Variants in DMXL2 observed in about 807,000 individuals in gnomAD.
DMXL2 encodes Dmx like 2.
DMXL2 carries 103 observed loss-of-function variants against 331.1 expected under a neutral mutation model. That is an observed-to-expected ratio of 0.31 (90% CI 0.27 to 0.37). The LOEUF is 0.37. Ranked by LOEUF, DMXL2 falls within the 10% of genes least tolerant of loss-of-function variation. The probability of loss-of-function intolerance (pLI) is 1.00; values close to 1 mark genes in which losing one functional copy is unlikely to be tolerated. For synonymous variants in DMXL2, 1,281 were observed against 1,252.1 expected (o/e 1.02, Z -0.49); for missense variants, 3,171 against 3,642.9 (o/e 0.87, Z 3.33).
intron 2 of DMXL2, among the ~76,000 whole-genome samples, chr15:51,569,597 G>A (rs148548464): frequency 1.1e-3 from 164 of 152,212 alleles, no homozygotes; most frequent in African/African-American, 3.7e-3. Context: ...GGCATCTGGC[G>A]GGTGCCCTTC....
chr15:51,510,793 T>C (rs776690645), intron 15 of DMXL2, among the ~76,000 whole-genome samples: 11 of 152,114 alleles, frequency 7.2e-5, no homozygotes, highest in Non-Finnish European at 1.3e-4. Flanking sequence ...CTTCAAACTA[T>C]ACTACAAGGC....
At chr15:51,468,642 A>C (rs1212054321) in intron 29 of DMXL2, among the ~76,000 whole-genome samples, 1 of 152,214 alleles carries the variant, frequency 6.6e-6, no homozygotes, top group East Asian at 1.9e-4. Context: ...GTTGATGAAG[A>C]GACATTCCAG....
intron 1 of DMXL2, among the ~76,000 whole-genome samples, chr15:51,594,473 T>C (rs2052637357): frequency 6.6e-6 from 1 of 152,174 alleles, no homozygotes; most frequent in South Asian, 2.1e-4. Flanking sequence ...ACAGCCAAAT[T>C]CTACCAGAGG....
At chr15:51,497,511 A>G (rs1362936871) in intron 18 of DMXL2, among the ~76,000 whole-genome samples, 1 of 152,246 alleles carries the variant, frequency 6.6e-6, no homozygotes, top group Non-Finnish European at 1.5e-5. Flanking sequence ...ATAATTAAAT[A>G]TGATAAAGTA....
Position 51,499,915 on chromosome 15 carries a change from A to G in DMXL2, c.3309T>C (p.His1103=), listed in dbSNP as rs776613476. Residue 1103 remains histidine (H), a synonymous_variant, in exon 18 of 44, where the codon CAT becomes CAC. Coordinates refer to ENST00000560891, the MANE Select transcript of DMXL2 (RefSeq NM_001378457.1). ...TAGATTCACATTCAAATATACAAAC[A>G]TGCATGGAAAATTCTTTAGAAACAA... is the stretch of plus-strand genomic sequence containing the variant. ...NGFVSKEFSM[H]VCIFECESTG... is the part of the protein sequence containing the mutation. 4 of 1,614,174 alleles carry G rather than the reference A, an allele frequency of 2.5e-6. No homozygotes were observed. In the Admixed American group the frequency reaches 6.7e-5, roughly 27 times the overall value.
intron 16 of DMXL2, among the ~76,000 whole-genome samples, chr15:51,506,753 A>G (rs1289835726): frequency 6.6e-6 from 1 of 152,116 alleles, no homozygotes; most frequent in Admixed American, 6.5e-5. Flanking sequence ...GCGCCCAGCC[A>G]ATTCTGCTTA....
intron 15 of DMXL2, among the ~76,000 whole-genome samples, chr15:51,510,664 A>G (rs1038990336): frequency 6.6e-6 from 1 of 152,176 alleles, no homozygotes; most frequent in Admixed American, 6.5e-5. Context: ...GCTACCATTG[A>G]CTTTCCTCAC....
At chr15:51,492,084 A>G (rs1451803252) in intron 19 of DMXL2, among the ~76,000 whole-genome samples, 2 of 152,266 alleles carry the variant, frequency 1.3e-5, no homozygotes, top group African/African-American at 2.4e-5. Flanking sequence ...TCAAGAGGTC[A>G]TAAGAGCTGC....
intron 6 of DMXL2, among the ~76,000 whole-genome samples, chr15:51,557,706 G>T (rs1168018958): frequency 6.6e-6 from 1 of 152,110 alleles, no homozygotes; most frequent in East Asian, 1.9e-4. Flanking sequence ...AAAGAGCCTA[G>T]AAACAGACCT....
intron 29 of DMXL2, among the ~76,000 whole-genome samples, chr15:51,469,980 T>C (rs1485086815): frequency 6.6e-6 from 1 of 152,184 alleles, no homozygotes; most frequent in African/African-American, 2.4e-5. Context: ...TAGAACCATC[T>C]GGAGAGCTTG....
chr15:51,569,383 G>T (rs1438662273), intron 2 of DMXL2, among the ~76,000 whole-genome samples: 2 of 152,078 alleles, frequency 1.3e-5, no homozygotes, highest in African/African-American at 4.8e-5. Flanking sequence ...TGGGGGAAGG[G>T]GCGGCTGCAG....
At chr15:51,461,448 T>C (rs2040113193) in intron 33 of DMXL2, among the ~76,000 whole-genome samples, 1 of 152,206 alleles carries the variant, frequency 6.6e-6, no homozygotes, top group Non-Finnish European at 1.5e-5. Context: ...TAAAACATAC[T>C]TGTGATAAAT....
chr15:51,473,971 CT>C (rs1402880052), intron 28 of DMXL2, among the ~76,000 whole-genome samples: 1 of 150,292 alleles, frequency 6.7e-6, no homozygotes, highest in Non-Finnish European at 1.5e-5. Context: ...AAATTTTCTT[CT>C]TTCTGTAATT....
At chr15:51,478,111 CAA>C (rs2041730137) in intron 26 of DMXL2, among the ~76,000 whole-genome samples, 158 bp downstream of exon 26, 1 of 152,020 alleles carries the variant, frequency 6.6e-6, no homozygotes, top group African/African-American at 2.4e-5. Flanking sequence ...GACAACTAAA[CAA>C]ATAATTATTT....
chr15:51,481,309 C>T lies in DMXL2; in HGVS notation c.5797G>A (p.Asp1933Asn), dbSNP rs1327576138. The change falls in exon 24 of 44, where the codon GAT becomes AAT. Residue 1933 changes from aspartate to asparagine, a missense_variant. This residue lies in a region of DMXL2 where 244 missense variants were observed against 251.4 expected (regional missense o/e 0.97). Coordinates refer to ENST00000560891, the MANE Select transcript of DMXL2 (RefSeq NM_001378457.1). ...AGAGCTTTTGAATGTGAAGGTACAT[C>T]ATCCATCCTGTGAGAAATGAAGTCA... ...QPDFISHRMD[D>N]VPSHSKALSD... 6.2e-7 allele frequency: 1 copy of T among 1,614,018 alleles called. No homozygotes were observed. Among genetic ancestry groups the T allele is most frequent in the Non-Finnish European group, 8.5e-7 (1 of 1,179,998 alleles).
Position 51,605,219 on chromosome 15 carries a change from T to A in DMXL2, c.87+17240A>T, listed in dbSNP as rs183777500. Among the ~76,000 whole-genome samples the A allele has an allele frequency of 3.3e-3, 501 of 152,244 alleles. 4 individuals are homozygous for A. The highest frequency in any genetic ancestry group is 0.011 in the African/African-American group (469 of 41,548). On this transcript the variant is annotated intron_variant, in intron 1 of 43. Coordinates refer to ENST00000560891, the MANE Select transcript of DMXL2 (RefSeq NM_001378457.1). ...AACATATAAATATATGTATTTTTTT[T>A]AAACAGCGTCTCACTCTGTCACTCA...
intron 27 of DMXL2, among the ~76,000 whole-genome samples, chr15:51,476,319 A>G (rs778369935): frequency 7.2e-5 from 11 of 152,180 alleles, no homozygotes; most frequent in Non-Finnish European, 7.4e-5. Flanking sequence ...AAGAAAGATA[A>G]TGTGCTCCAT....
chr15:51,553,993 T>G (rs764517880), intron 6 of DMXL2, among the ~76,000 whole-genome samples: 1 of 152,156 alleles, frequency 6.6e-6, no homozygotes, highest in Non-Finnish European at 1.5e-5. Context: ...TAACTGTACA[T>G]GAGTCAAGGA....
chr15:51,478,838 C>T (rs76411475), intron 25 of DMXL2, among the ~76,000 whole-genome samples: 1,759 of 151,770 alleles, frequency 0.012, 27 homozygotes, highest in East Asian at 0.026. Context: ...GCAGATTTTC[C>T]AGAAAGTAAT....
Sources: gnomAD v4.1 joint callset for allele counts (sites outside exome capture counted in the v4.1 genomes callset) on GRCh38, gnomAD v4.1.1 for gene constraint, gnomAD v4.1.1 regional missense constraint, MANE v1.5 for transcripts, NCBI Gene and HGNC (gene_info 2026-07-23, HGNC 2026-07-21) for gene names.